Variants in AUTS2 observed in about 807,000 individuals in gnomAD.
AUTS2 encodes the protein autism susceptibility gene 2 protein.
Under a neutral mutation model 112.4 loss-of-function variants are expected in AUTS2, and 17 were observed. That is an observed-to-expected ratio of 0.15 (90% CI 0.10 to 0.23). AUTS2 has a LOEUF of 0.23. Ranked by LOEUF, AUTS2 falls within the 10% of genes least tolerant of loss-of-function variation. The pLI is 1.00. For missense variants in AUTS2, 1,510 were observed against 1,701.6 expected, an observed-to-expected ratio of 0.89 and a Z score of 1.98; for synonymous variants, 751 against 702.7, an observed-to-expected ratio of 1.07 and a Z score of -1.09.
intron 5 of AUTS2, among the ~76,000 whole-genome samples, chr7:70,679,316 A>G (rs1414462015): frequency 6.6e-6 from 1 of 152,248 alleles, no homozygotes; most frequent in African/African-American, 2.4e-5. Context: ...GTTGTGGCCC[A>G]TCCAAGGGGG....
intron 4 of AUTS2, among the ~76,000 whole-genome samples, chr7:70,228,047 T>C (rs1322440670): frequency 1.3e-5 from 2 of 152,004 alleles, no homozygotes; most frequent in African/African-American, 4.8e-5. Context: ...GCATTGTTTG[T>C]GTCTCCCTTT....
At chr7:70,439,750 A>G (rs77186579) in intron 5 of AUTS2, among the ~76,000 whole-genome samples, 2,416 of 152,270 alleles carry the variant, frequency 0.016, 64 homozygotes, top group African/African-American at 0.055. Context: ...GCAACATGCA[A>G]TTGCCAAATA....
intron 4 of AUTS2, among the ~76,000 whole-genome samples, chr7:70,345,307 T>C (rs912649016): frequency 1.3e-5 from 2 of 152,224 alleles, no homozygotes; most frequent in African/African-American, 2.4e-5. Context: ...TAACTTCCTA[T>C]GACAGAGTGC....
intron 2 of AUTS2, among the ~76,000 whole-genome samples, chr7:70,098,207 G>C (rs1374270404): frequency 6.6e-6 from 1 of 152,176 alleles, no homozygotes; most frequent in African/African-American, 2.4e-5. Flanking sequence ...CCAGTGGTTT[G>C]ATAAAATAAC....
intron 5 of AUTS2, among the ~76,000 whole-genome samples, chr7:70,486,912 A>AG (rs1798033405): frequency 1.0e-5 from 1 of 99,668 alleles, no homozygotes; most frequent in Non-Finnish European, 2.3e-5. Flanking sequence ...CCCCCCCAAA[A>AG]AAAAAGAAGA....
intron 4 of AUTS2, among the ~76,000 whole-genome samples, chr7:70,418,799 A>AC (rs570054421): frequency 6.4e-4 from 97 of 152,152 alleles, no homozygotes; most frequent in Admixed American, 2.1e-3. Flanking sequence ...AATAAAAGTG[A>AC]CCCAAACTCT....
intron 5 of AUTS2, among the ~76,000 whole-genome samples, chr7:70,657,951 T>C (rs62456807): frequency 0.16 from 24,947 of 152,100 alleles, 2,443 homozygotes; most frequent in African/African-American, 0.26. Flanking sequence ...CATCCAAGCC[T>C]CTTTGGTTTT....
intron 5 of AUTS2, among the ~76,000 whole-genome samples, chr7:70,473,135 C>T (rs550671845): frequency 7.9e-5 from 12 of 152,188 alleles, no homozygotes; most frequent in East Asian, 7.7e-4. Flanking sequence ...ATAGGGAAGA[C>T]GGGAAGGACG....
At chr7:69,652,986 T>G (rs894706168) in intron 1 of AUTS2, among the ~76,000 whole-genome samples, 1 of 152,198 alleles carries the variant, frequency 6.6e-6, no homozygotes. Context: ...GGAGGCTGAG[T>G]GCCCACTATT....
At chr7:70,623,124 TCACAGTTATC>T (rs1804762590) in intron 5 of AUTS2, among the ~76,000 whole-genome samples, 3 of 152,214 alleles carry the variant, frequency 2.0e-5, no homozygotes, top group African/African-American at 7.2e-5. Flanking sequence ...CATTTGGTCC[TCACAGTTATC>T]CAATACCAGC....
chr7:69,610,251 G>A lies in AUTS2; in HGVS notation c.309+10289G>A, dbSNP rs183829524. Among the ~76,000 whole-genome samples, 7 of 152,344 alleles carry A rather than the reference G, an allele frequency of 4.6e-5. No homozygotes were observed. In the East Asian group the frequency reaches 1.4e-3, roughly 29 times the overall value. ...AAGGGGCTGAGTAATCTTTAGATCT[G>A]TGCTTCATTTCATTAATGGAGTTGT... On this transcript the variant is annotated intron_variant, in intron 1 of 18. Coordinates refer to ENST00000342771, the MANE Select transcript of AUTS2 (RefSeq NM_015570.4).
intron 5 of AUTS2, among the ~76,000 whole-genome samples, chr7:70,502,235 G>A (rs1025506659): frequency 6.6e-6 from 1 of 152,102 alleles, no homozygotes; most frequent in African/African-American, 2.4e-5. Context: ...ATTGCTTCAG[G>A]TCCACCTCGT....
At chr7:69,986,730 T>G (rs527940585) in intron 2 of AUTS2, among the ~76,000 whole-genome samples, 228 of 152,346 alleles carry the variant, frequency 1.5e-3, no homozygotes, top group Admixed American at 2.7e-3. Context: ...CCAAATTTGC[T>G]TAAGGACTTA....
At chr7:70,560,910 T>C (rs916673703) in intron 5 of AUTS2, among the ~76,000 whole-genome samples, 3 of 152,216 alleles carry the variant, frequency 2.0e-5, no homozygotes, top group Non-Finnish European at 4.4e-5. Context: ...AGCAGATAGA[T>C]CAGAAGATTG....
intron 5 of AUTS2, among the ~76,000 whole-genome samples, chr7:70,536,657 T>C (rs1800333470): frequency 6.8e-6 from 1 of 146,692 alleles, no homozygotes; most frequent in Middle Eastern, 3.6e-3. Flanking sequence ...TCCCAGGACT[T>C]TGGGAGGCTG....
intron 5 of AUTS2, among the ~76,000 whole-genome samples, chr7:70,464,753 G>A (rs2115688299): frequency 6.6e-6 from 1 of 152,310 alleles, no homozygotes; most frequent in Middle Eastern, 3.4e-3. Flanking sequence ...TGGTTAACTG[G>A]AATATGAGGT....
At chr7:69,957,803 G>A (rs1420129150) in intron 2 of AUTS2, among the ~76,000 whole-genome samples, 1 of 152,162 alleles carries the variant, frequency 6.6e-6, no homozygotes, top group Non-Finnish European at 1.5e-5. Context: ...GGGGCACATG[G>A]TTTGGTGAGT....
chr7:70,033,645 G>A (rs1800876478), intron 2 of AUTS2, among the ~76,000 whole-genome samples: 1 of 151,960 alleles, frequency 6.6e-6, no homozygotes, highest in East Asian at 1.9e-4. Context: ...AAGTGTAGAT[G>A]TATACAAAAT....
chr7:70,265,786 A>G (rs775551522), intron 4 of AUTS2, among the ~76,000 whole-genome samples: 1 of 152,214 alleles, frequency 6.6e-6, no homozygotes, highest in Non-Finnish European at 1.5e-5. Flanking sequence ...CAGCCAGTTG[A>G]CAAGTCTAAT....
Sources: gnomAD v4.1 joint callset for allele counts (sites outside exome capture counted in the v4.1 genomes callset) on GRCh38, gnomAD v4.1.1 for gene constraint, MANE v1.5 for transcripts, NCBI Gene and HGNC (gene_info 2026-07-23, HGNC 2026-07-21) for gene names.